Variants in MAF observed in about 807,000 individuals in gnomAD.
The protein encoded by MAF is transcription factor Maf.
Under a neutral mutation model 22.0 loss-of-function variants are expected in MAF, and 10 were observed. The observed-to-expected ratio is 0.45, with a 90% CI of 0.28 to 0.77. The LOEUF (loss-of-function observed/expected upper bound fraction) is 0.77, where lower values mean the gene tolerates loss of function less well. MAF is among the 30% of genes least tolerant of loss of function. The pLI, the probability that MAF is intolerant of heterozygous loss-of-function variation, is 0.12. For missense variants in MAF, 544 were observed against 548.4 expected, an observed-to-expected ratio of 0.99 and a Z score of 0.08; for synonymous variants, 337 against 255.8, an observed-to-expected ratio of 1.32 and a Z score of -3.03.
At chr16:79,207,522 T>G in the MAF span, among the ~76,000 whole-genome samples, 12 of 152,358 alleles carry the variant, frequency 7.9e-5, no homozygotes, top group African/African-American at 1.9e-4. Context: ...ATTCAGCATT[T>G]GCTGTGCAAT....
the MAF span, among the ~76,000 whole-genome samples, chr16:79,312,502 A>G: frequency 6.6e-5 from 10 of 152,296 alleles, no homozygotes; most frequent in South Asian, 4.1e-4. Flanking sequence ...CTTCTCTGTG[A>G]TAGCACAGAC....
chr16:79,228,495 G>C, the MAF span, among the ~76,000 whole-genome samples: 4,563 of 152,068 alleles, frequency 0.03, 106 homozygotes, highest in Middle Eastern at 0.075. Context: ...GGATAGGAAA[G>C]CTTCACAAAT....
chr16:79,371,290 C>T, the MAF span, among the ~76,000 whole-genome samples: 727 of 152,224 alleles, frequency 4.8e-3, 5 homozygotes, highest in Middle Eastern at 0.01. Flanking sequence ...AAGTGACCCT[C>T]CCTTGAGGTC....
chr16:79,240,490 A>G, the MAF span, among the ~76,000 whole-genome samples: 2,132 of 69,278 alleles, frequency 0.031, 32 homozygotes, highest in Non-Finnish European at 0.035. Flanking sequence ...ATCTCTGGAA[A>G]AAAAAAAAAA....
chr16:79,511,915 G>C, the MAF span, among the ~76,000 whole-genome samples: 1 of 152,118 alleles, frequency 6.6e-6, no homozygotes, highest in African/African-American at 2.4e-5. Context: ...ACCTTGATTA[G>C]CTGCAGCAAA....
chr16:79,395,427 G>C, the MAF span, among the ~76,000 whole-genome samples: 1 of 152,210 alleles, frequency 6.6e-6, no homozygotes, highest in East Asian at 1.9e-4. Flanking sequence ...AGCTTATTTG[G>C]AAATAGGCTC....
the MAF span, among the ~76,000 whole-genome samples, chr16:79,263,426 G>A: frequency 2.0e-5 from 3 of 152,170 alleles, no homozygotes; most frequent in Non-Finnish European, 2.9e-5. Context: ...CTTTGTTCAT[G>A]TTCTATAAAA....
the MAF span, among the ~76,000 whole-genome samples, chr16:79,361,736 G>A: frequency 1.5e-5 from 2 of 137,560 alleles, no homozygotes; most frequent in Middle Eastern, 3.7e-3. Flanking sequence ...CATCTCCCAA[G>A]GTGAAGTTCG....
chr16:79,240,074 T>C, the MAF span, among the ~76,000 whole-genome samples: 4 of 151,678 alleles, frequency 2.6e-5, 1 homozygote, highest in African/African-American at 4.8e-5. Flanking sequence ...GCAAAGAACA[T>C]CAAAGGGCTG....
the MAF span, among the ~76,000 whole-genome samples, chr16:79,328,591 G>T: frequency 3.3e-5 from 5 of 152,226 alleles, no homozygotes; most frequent in Non-Finnish European, 7.3e-5. Context: ...AATCCCTCGA[G>T]CCGAGCTGGC....
Position 79,594,639 on chromosome 16 carries a change from ATT to A in MAF, c.1119-88_1119-87del, listed in dbSNP as rs66467731. 31,387 of 1,197,854 alleles carry A rather than the reference ATT, an allele frequency of 0.026. 139 individuals are homozygous for A. The highest frequency in any genetic ancestry group is 0.072 in the African/African-American group (4,722 of 65,572). The allele number at this position is 1,197,854 out of a possible 1,614,324, so 74.2% of individuals were successfully genotyped here. ...GGGGAAAGCTAGATTTCCTCATATG[ATT>A]TTTTTTTTTTTAAATTTAGAGACTT... On this transcript the variant is annotated intron_variant, in intron 1 of 1. Transcript: ENST00000326043.
the MAF span, among the ~76,000 whole-genome samples, chr16:79,557,464 G>C: frequency 6.6e-6 from 1 of 152,058 alleles, no homozygotes; most frequent in Non-Finnish European, 1.5e-5. Context: ...CCCAAATGCA[G>C]AGCACAAAGA....
chr16:79,229,808 A>G, the MAF span, among the ~76,000 whole-genome samples: 7 of 151,912 alleles, frequency 4.6e-5, no homozygotes, highest in Non-Finnish European at 8.8e-5. Flanking sequence ...TTTAATCCTA[A>G]CCTAGTGGTG....
the MAF span, among the ~76,000 whole-genome samples, chr16:79,374,705 G>A: frequency 6.6e-6 from 1 of 152,188 alleles, no homozygotes; most frequent in Non-Finnish European, 1.5e-5. Context: ...CAGAGTGACG[G>A]CTCTCATAGA....
chr16:79,296,625 A>ATT, the MAF span, among the ~76,000 whole-genome samples: 23 of 147,860 alleles, frequency 1.6e-4, no homozygotes, highest in South Asian at 1.7e-3. Flanking sequence ...AAGATTTGTA[A>ATT]TTTTTTTTTT....
chr16:79,231,070 C>G, the MAF span, among the ~76,000 whole-genome samples: 2 of 152,006 alleles, frequency 1.3e-5, no homozygotes, highest in Non-Finnish European at 2.9e-5. Flanking sequence ...TCTGTATAGT[C>G]TTATTAGTTT....
the MAF span, among the ~76,000 whole-genome samples, chr16:79,235,926 C>A: frequency 6.6e-6 from 1 of 151,948 alleles, no homozygotes; most frequent in Non-Finnish European, 1.5e-5. Flanking sequence ...CAAGCCAAGC[C>A]GCCCAGAATC....
At chr16:79,467,067 G>A in the MAF span, among the ~76,000 whole-genome samples, 1 of 152,182 alleles carries the variant, frequency 6.6e-6, no homozygotes, top group Non-Finnish European at 1.5e-5. Flanking sequence ...ATTAGAATAT[G>A]ATCTTGTTGT....
the MAF span, among the ~76,000 whole-genome samples, chr16:79,243,186 G>T: frequency 6.6e-6 from 1 of 151,748 alleles, no homozygotes; most frequent in Non-Finnish European, 1.5e-5. Context: ...CAGAAAACAA[G>T]AAATAACTAA....
Sources: gnomAD v4.1 joint callset for allele counts (sites outside exome capture counted in the v4.1 genomes callset) on GRCh38, gnomAD v4.1.1 for gene constraint, MANE v1.5 for transcripts, NCBI Gene and HGNC (gene_info 2026-07-23, HGNC 2026-07-21) for gene names.